The following IQCM variants were observed in gnomAD, a reference collection of about 807,000 sequenced individuals.
The protein encoded by IQCM is IQ motif containing M.
Under a neutral mutation model 57.6 loss-of-function variants are expected in IQCM, and 45 were observed. That is an observed-to-expected ratio of 0.78 (90% CI 0.62 to 1.00). The LOEUF (loss-of-function observed/expected upper bound fraction) is 1.00, where lower values mean the gene tolerates loss of function less well. Among genes scored for constraint, IQCM ranks in the 50% least tolerant of loss-of-function variants. The pLI is 0.00. For missense variants in IQCM, 468 were observed against 511.6 expected, an observed-to-expected ratio of 0.91 and a Z score of 0.82; for synonymous variants, 148 against 158.9, an observed-to-expected ratio of 0.93 and a Z score of 0.51.
chr4:149,510,174 T>C (rs1744255023), intron 12 of IQCM, among the ~76,000 whole-genome samples: 1 of 152,138 alleles, frequency 6.6e-6, no homozygotes, highest in Admixed American at 6.6e-5. Context: ...TTTTTAACAA[T>C]TTACTGGGTT....
intron 2 of IQCM, among the ~76,000 whole-genome samples, chr4:149,759,079 T>G (rs902615219): frequency 6.6e-6 from 1 of 152,136 alleles, no homozygotes; most frequent in Non-Finnish European, 1.5e-5. Flanking sequence ...TATTACTCGG[T>G]GCTAAAAATA....
chr4:149,471,008 A>G (rs914490738), intron 12 of IQCM, among the ~76,000 whole-genome samples: 1 of 152,224 alleles, frequency 6.6e-6, no homozygotes, highest in Non-Finnish European at 1.5e-5. Context: ...TGCCCACAAG[A>G]GAAAGCAGGA....
intron 12 of IQCM, among the ~76,000 whole-genome samples, chr4:149,537,204 T>G (rs1747382080): frequency 6.6e-6 from 1 of 151,842 alleles, no homozygotes; most frequent in African/African-American, 2.4e-5. Flanking sequence ...ATAATTATTA[T>G]ACATTATATT....
At chr4:149,713,130 T>C (rs956021096) in intron 5 of IQCM, among the ~76,000 whole-genome samples, 1 of 152,172 alleles carries the variant, frequency 6.6e-6, no homozygotes, top group Non-Finnish European at 1.5e-5. Flanking sequence ...TGCTGCTTGA[T>C]GAGCTCATTC....
chr4:149,581,834 C>A (rs1752209982), intron 9 of IQCM, among the ~76,000 whole-genome samples: 1 of 151,562 alleles, frequency 6.6e-6, no homozygotes. Flanking sequence ...CTTTCCCATT[C>A]CAGTCATGTG....
chr4:149,709,099 T>G (rs905256125), intron 5 of IQCM, among the ~76,000 whole-genome samples: 1 of 152,106 alleles, frequency 6.6e-6, no homozygotes, highest in South Asian at 2.1e-4. Flanking sequence ...CATAGCAGTT[T>G]ATTAAGTAGT....
chr4:149,369,457 AT>A (rs1031651558), intron 13 of IQCM, among the ~76,000 whole-genome samples: 3 of 152,178 alleles, frequency 2.0e-5, no homozygotes, highest in African/African-American at 4.8e-5. Context: ...CCTAAAAAAA[AT>A]GTGTACAAAT....
At chr4:149,471,542 A>G (rs1739546319) in intron 12 of IQCM, among the ~76,000 whole-genome samples, 1 of 152,198 alleles carries the variant, frequency 6.6e-6, no homozygotes, top group Non-Finnish European at 1.5e-5. Context: ...CAGAGGTACA[A>G]AGAGGAGCTG....
intron 12 of IQCM, among the ~76,000 whole-genome samples, chr4:149,442,913 G>A (rs903836131): frequency 6.7e-6 from 1 of 148,192 alleles, no homozygotes; most frequent in African/African-American, 2.5e-5. Context: ...GAACTAGCAG[G>A]CTATCTCTCA....
At chr4:149,452,100 T>C (rs565945105) in intron 12 of IQCM, among the ~76,000 whole-genome samples, 2 of 151,862 alleles carry the variant, frequency 1.3e-5, no homozygotes, top group East Asian at 3.9e-4. Flanking sequence ...AAAAATTGCA[T>C]CATGATATAT....
chr4:149,689,912 C>G (rs1762822341), intron 5 of IQCM, among the ~76,000 whole-genome samples: 1 of 151,950 alleles, frequency 6.6e-6, no homozygotes, highest in African/African-American at 2.4e-5. Flanking sequence ...TTAAAAACAG[C>G]AGATGTTGGC....
intron 12 of IQCM, among the ~76,000 whole-genome samples, chr4:149,467,357 T>C (rs1449477515): frequency 6.6e-6 from 1 of 152,180 alleles, no homozygotes; most frequent in Non-Finnish European, 1.5e-5. Flanking sequence ...ATTCATTTGT[T>C]TATTCGTAAT....
chr4:149,592,243 T>G (rs920761628), intron 8 of IQCM, among the ~76,000 whole-genome samples: 3 of 152,338 alleles, frequency 2.0e-5, no homozygotes, highest in Admixed American at 6.5e-5. Context: ...GTTGGCTGCA[T>G]AAATGTCTTC....
intron 6 of IQCM, among the ~76,000 whole-genome samples, chr4:149,682,948 C>T (rs1219597523): frequency 2.6e-5 from 4 of 150,972 alleles, no homozygotes; most frequent in Non-Finnish European, 4.5e-5. Context: ...TGATTCCATT[C>T]GACATGATTA....
chr4:149,359,822 A>T (rs1025986866), intron 13 of IQCM, among the ~76,000 whole-genome samples: 2 of 152,212 alleles, frequency 1.3e-5, no homozygotes, highest in Admixed American at 1.3e-4. Flanking sequence ...TTTAAAATTA[A>T]TCTTTGTAGA....
chr4:149,578,866 G>C (rs899662284), intron 9 of IQCM, among the ~76,000 whole-genome samples: 2 of 151,886 alleles, frequency 1.3e-5, no homozygotes, highest in African/African-American at 2.4e-5. Context: ...AAGCCTGTTA[G>C]AGAAGTAGAA....
intron 13 of IQCM, among the ~76,000 whole-genome samples, chr4:149,356,761 G>T (rs1030715359): frequency 6.6e-6 from 1 of 151,296 alleles, no homozygotes; most frequent in African/African-American, 2.4e-5. Context: ...CTTTAAAGTA[G>T]TTTTTTCCAA....
chr4:149,743,123 G>A (rs929999008), intron 2 of IQCM, among the ~76,000 whole-genome samples: 29 of 152,216 alleles, frequency 1.9e-4, no homozygotes, highest in African/African-American at 6.7e-4. Flanking sequence ...AGGTCTCTCC[G>A]ATTTCCTACT....
chr4:149,452,474 A>G (rs1276809072), intron 12 of IQCM, among the ~76,000 whole-genome samples: 3 of 151,624 alleles, frequency 2.0e-5, no homozygotes, highest in Non-Finnish European at 3.0e-5. Flanking sequence ...TATGATATTC[A>G]TGTAAAGATA....
Sources: allele counts gnomAD v4.1 joint callset (sites outside exome capture counted in the v4.1 genomes callset), GRCh38; gene constraint gnomAD v4.1.1; transcripts MANE v1.5; gene names NCBI Gene and HGNC (gene_info 2026-07-23, HGNC 2026-07-21).